The following SHLD1 variants were observed in gnomAD, a reference collection of about 807,000 sequenced individuals.
SHLD1 encodes RINN1-REV7-interacting novel NHEJ regulator 3.
A neutral mutation model predicts 5.5 loss-of-function variants in SHLD1; 3 were observed. That is an observed-to-expected ratio of 0.54 (90% CI 0.25 to 1.40). SHLD1 has a LOEUF of 1.40. Among genes scored for constraint, SHLD1 ranks in the 40% most tolerant of loss-of-function variants. The pLI is 0.15. For synonymous variants in SHLD1, 92 were observed against 94.3 expected (o/e 0.98, Z 0.14); for missense variants, 210 against 244.4 (o/e 0.86, Z 0.94).
intron 2 of SHLD1, among the ~76,000 whole-genome samples, chr20:5,852,444 C>CCTTCCTTCCT (rs35706209): frequency 2.0e-5 from 3 of 149,554 alleles, no homozygotes; most frequent in African/African-American, 7.4e-5. Context: ...TTCCTTCCTT[C>CCTTCCTTCCT]TCTCTCTCTC....
chr20:5,758,482 G>A (rs1028049478), intron 1 of SHLD1, among the ~76,000 whole-genome samples: 3 of 151,334 alleles, frequency 2.0e-5, no homozygotes, highest in Admixed American at 6.6e-5. Context: ...GCAATGGCAC[G>A]ATCTCAGCTC....
chr20:5,840,678 T>C (rs1181926668), intron 2 of SHLD1, among the ~76,000 whole-genome samples: 2 of 152,240 alleles, frequency 1.3e-5, no homozygotes, highest in African/African-American at 4.8e-5. Context: ...TCATTTCTGC[T>C]GAATGGTTTA....
intron 2 of SHLD1, among the ~76,000 whole-genome samples, chr20:5,820,069 TC>T (rs35654117): frequency 2.0e-5 from 3 of 152,184 alleles, no homozygotes; most frequent in Admixed American, 2.0e-4. Flanking sequence ...CGCCTCAGCC[TC>T]CCCAGTAGCT....
At chr20:5,841,246 C>G (rs563275250) in intron 2 of SHLD1, among the ~76,000 whole-genome samples, 11 of 150,916 alleles carry the variant, frequency 7.3e-5, no homozygotes, top group African/African-American at 2.7e-4. Flanking sequence ...ATTGGAATAC[C>G]ATTTACATAT....
intron 2 of SHLD1, among the ~76,000 whole-genome samples, chr20:5,839,755 T>C (rs532217254): frequency 1.3e-5 from 2 of 152,330 alleles, no homozygotes; most frequent in South Asian, 2.1e-4. Flanking sequence ...AGATGTTCCA[T>C]TAGAAACTCC....
At chr20:5,759,300 C>T (rs972283274) in intron 1 of SHLD1, among the ~76,000 whole-genome samples, 2 of 150,540 alleles carry the variant, frequency 1.3e-5, no homozygotes, top group Non-Finnish European at 3.0e-5. Flanking sequence ...TGCTCTATTG[C>T]CCAGGCTGGA....
chr20:5,753,481 A>C (rs1386722844), intron 1 of SHLD1, among the ~76,000 whole-genome samples: 1 of 152,180 alleles, frequency 6.6e-6, no homozygotes, highest in Admixed American at 6.5e-5. Flanking sequence ...TTTCCTTTTA[A>C]TAAAAAGCAG....
intron 1 of SHLD1, among the ~76,000 whole-genome samples, chr20:5,754,793 C>G (rs775210476): frequency 6.6e-6 from 1 of 151,974 alleles, no homozygotes; most frequent in Non-Finnish European, 1.5e-5. Flanking sequence ...TGGTGGCTCA[C>G]GCCTGTAATG....
At chr20:5,760,899 A>G (rs1020851811) in intron 1 of SHLD1, among the ~76,000 whole-genome samples, 6 of 151,972 alleles carry the variant, frequency 3.9e-5, no homozygotes, top group Non-Finnish European at 5.9e-5. Flanking sequence ...AGCACAGCCA[A>G]TCTGCCCTGT....
chr20:5,772,218 C>T (rs1457082082), intron 1 of SHLD1: 3 of 451,624 alleles, frequency 6.6e-6, no homozygotes, highest in African/African-American at 6.0e-5. Context: ...TGTGGCCTAT[C>T]TTTGGCATAT....
intron 2 of SHLD1, among the ~76,000 whole-genome samples, chr20:5,786,520 A>G (rs994523955): frequency 1.3e-5 from 2 of 152,196 alleles, no homozygotes; most frequent in African/African-American, 4.8e-5. Flanking sequence ...GGCTACAGTA[A>G]GCTACAGTCG....
intron 2 of SHLD1, among the ~76,000 whole-genome samples, chr20:5,845,291 C>A (rs2087920035): frequency 6.6e-6 from 1 of 152,194 alleles, no homozygotes; most frequent in Non-Finnish European, 1.5e-5. Context: ...TTAATCCTTA[C>A]AAGAGCCCTA....
chr20:5,793,771 A>G (rs1253368156), intron 2 of SHLD1, among the ~76,000 whole-genome samples: 2 of 151,884 alleles, frequency 1.3e-5, no homozygotes, highest in Non-Finnish European at 2.9e-5. Context: ...GTGCAGTGAC[A>G]CGATCTCGGC....
At chr20:5,824,455 A>G (rs185679516) in intron 2 of SHLD1, among the ~76,000 whole-genome samples, 20 of 152,334 alleles carry the variant, frequency 1.3e-4, no homozygotes, top group Non-Finnish European at 2.5e-4. Flanking sequence ...CCACTGGAAT[A>G]TAAGCTCCAC....
At chr20:5,763,946 T>TAAA (rs1233102331) in intron 1 of SHLD1, among the ~76,000 whole-genome samples, 12 of 70,172 alleles carry the variant, frequency 1.7e-4, no homozygotes, top group Non-Finnish European at 2.6e-4. Context: ...CCGTCTTTAC[T>TAAA]AAAAAAAAAA....
At chr20:5,808,760 G>A (rs534612374) in intron 2 of SHLD1, among the ~76,000 whole-genome samples, 1 of 152,288 alleles carries the variant, frequency 6.6e-6, no homozygotes, top group East Asian at 1.9e-4. Flanking sequence ...CTATATTGTT[G>A]TATTTTGAAT....
intron 2 of SHLD1, among the ~76,000 whole-genome samples, chr20:5,813,560 G>C (rs2087488812): frequency 6.6e-6 from 1 of 152,154 alleles, no homozygotes; most frequent in Non-Finnish European, 1.5e-5. Context: ...GACACTAAAA[G>C]AAATCTGTAA....
At chr20:5,785,639 T>C (rs988527525) in intron 2 of SHLD1, among the ~76,000 whole-genome samples, 1 of 151,864 alleles carries the variant, frequency 6.6e-6, no homozygotes, top group East Asian at 1.9e-4. Flanking sequence ...CTACTAAAAA[T>C]ACAAAAATTA....
chr20:5,822,025 GCCATC>G (rs1276014642), intron 2 of SHLD1, among the ~76,000 whole-genome samples: 1 of 152,198 alleles, frequency 6.6e-6, no homozygotes, highest in African/African-American at 2.4e-5. Context: ...GAGGTGAGGA[GCCATC>G]CTGGATGCTG....
Sources: allele counts gnomAD v4.1 joint callset (sites outside exome capture counted in the v4.1 genomes callset), GRCh38; gene constraint gnomAD v4.1.1; transcripts MANE v1.5; gene names NCBI Gene and HGNC (gene_info 2026-07-23, HGNC 2026-07-21).